PTPRA: variants seen among roughly 807,000 people sequenced by gnomAD.
The protein encoded by PTPRA is receptor-type tyrosine-protein phosphatase alpha.
Under a neutral mutation model 104.8 loss-of-function variants are expected in PTPRA, and 25 were observed. That is an observed-to-expected ratio of 0.24 (90% CI 0.17 to 0.33). The LOEUF (loss-of-function observed/expected upper bound fraction) is 0.33. PTPRA is among the 10% of genes least tolerant of loss of function. PTPRA has a pLI of 1.00. For missense variants in PTPRA, 765 were observed against 1,015.3 expected (o/e 0.75, Z 3.35); for synonymous variants, 323 against 368.9 (o/e 0.88, Z 1.43).
At chr20:2,903,324 A>C (rs1246957149) in intron 1 of PTPRA, among the ~76,000 whole-genome samples, 1 of 152,180 alleles carries the variant, frequency 6.6e-6, no homozygotes, top group Non-Finnish European at 1.5e-5. Flanking sequence ...TAAGTGAGCA[A>C]AGTTGTGTAA....
At chr20:3,032,699 A>G (rs1408952275) in intron 20 of PTPRA, among the ~76,000 whole-genome samples, 3 of 151,516 alleles carry the variant, frequency 2.0e-5, no homozygotes, top group Non-Finnish European at 4.4e-5. Context: ...CAGGGAGCTG[A>G]AGGTTGCAAT....
intron 6 of PTPRA, among the ~76,000 whole-genome samples, chr20:2,982,785 C>T (rs2062740889): frequency 6.6e-6 from 1 of 151,978 alleles, no homozygotes; most frequent in Non-Finnish European, 1.5e-5. Flanking sequence ...CAACCTCTGC[C>T]CCCCAGGTTC....
intron 2 of PTPRA, among the ~76,000 whole-genome samples, chr20:2,940,105 C>T (rs2060854323): frequency 1.3e-5 from 2 of 152,172 alleles, no homozygotes; most frequent in Non-Finnish European, 2.9e-5. Context: ...AGCAAAACTC[C>T]ATCTCAAACA....
At chr20:2,931,046 A>G (rs2060485338) in intron 2 of PTPRA, among the ~76,000 whole-genome samples, 2 of 152,226 alleles carry the variant, frequency 1.3e-5, no homozygotes, top group African/African-American at 4.8e-5. Flanking sequence ...TCAGTAGACC[A>G]GAGTCTGGAC....
chr20:2,865,601 C>T, the PTPRA span: 8 of 1,040,182 alleles, frequency 7.7e-6, no homozygotes, highest in South Asian at 1.1e-4. This position sits in a 1 kb window ranked among gnomAD's most constrained non-coding sequence, Gnocchi z 5.2. Flanking sequence ...TCCTGTTCAG[C>T]TGCCCGCATA....
At chr20:3,028,985 A>C (rs879324543) in intron 20 of PTPRA, among the ~76,000 whole-genome samples, 1 of 152,210 alleles carries the variant, frequency 6.6e-6, no homozygotes, top group Non-Finnish European at 1.5e-5. Context: ...TTTATAGTCA[A>C]ACATTTAAAA....
intron 1 of PTPRA, among the ~76,000 whole-genome samples, chr20:2,888,999 T>C (rs1239406095): frequency 6.6e-6 from 1 of 152,216 alleles, no homozygotes; most frequent in African/African-American, 2.4e-5. Flanking sequence ...TATCCAGTTG[T>C]ACTTGGTAAG....
chr20:2,908,659 A>G (rs1208754833), intron 1 of PTPRA, among the ~76,000 whole-genome samples: 2 of 152,054 alleles, frequency 1.3e-5, no homozygotes, highest in Non-Finnish European at 2.9e-5. Flanking sequence ...TTTGGAGGCC[A>G]GGGTGGGAGG....
rs1568713605 is a variant in PTPRA, at chr20:3,037,017, C to T, written c.2199-137C>T. The T allele has an allele frequency of 7.9e-7, 1 of 1,267,586 alleles. No individual in the cohort carries two copies. The allele number at this position is 1,267,586 out of a possible 1,614,324, so 78.5% of individuals were successfully genotyped here. ...TACACTGCCTCCCGACCCAGAACCCCTCCAGGCTGGTGGGTCCACAGGGCA... is the reference window on the plus strand; with the variant it reads ...TACACTGCCTCCCGACCCAGAACCCTTCCAGGCTGGTGGGTCCACAGGGCA... On this transcript the variant is annotated intron_variant, in intron 22 of 23. Coordinates refer to ENST00000399903, the MANE Select transcript of PTPRA (RefSeq NM_001385305.1). This position sits in a 1 kb window ranked among gnomAD's most constrained non-coding sequence, Gnocchi z 4.3.
chr20:2,865,102 C>T, the PTPRA span: 3 of 1,614,062 alleles, frequency 1.9e-6, no homozygotes, highest in Non-Finnish European at 2.5e-6. This position sits in a 1 kb window ranked among gnomAD's most constrained non-coding sequence, Gnocchi z 5.2. Flanking sequence ...CTGGTCTTCC[C>T]TCCTGGTCCC....
chr20:2,895,839 T>C (rs1256246234), intron 1 of PTPRA, among the ~76,000 whole-genome samples: 2 of 152,032 alleles, frequency 1.3e-5, no homozygotes, highest in African/African-American at 4.8e-5. Context: ...TATTAACCAA[T>C]TTTTAATGTT....
At chr20:2,939,887 A>T (rs1368631762) in intron 2 of PTPRA, among the ~76,000 whole-genome samples, 1 of 152,190 alleles carries the variant, frequency 6.6e-6, no homozygotes, top group East Asian at 1.9e-4. Context: ...CGAGCGGATC[A>T]CCTGAGGTGA....
At chr20:3,012,280 G>T (rs1222832164) in intron 11 of PTPRA, among the ~76,000 whole-genome samples, 3 of 152,174 alleles carry the variant, frequency 2.0e-5, no homozygotes, top group African/African-American at 7.2e-5. Context: ...GATTTAGGAG[G>T]GGCCAATTGG....
rs530017532 is a variant in PTPRA, at chr20:2,997,900, C to T, written c.739-7156C>T. ...AATCTAGCACTTTGGGAAGCCAATG[C>T]GGGAAGATTGAGGCCAGGAGTTTAA... is the stretch of plus-strand genomic sequence containing the variant. On this transcript the variant is annotated intron_variant, in intron 9 of 23. Transcript: ENST00000399903. 5.3e-5 allele frequency among the ~76,000 whole-genome samples: 8 copies of T among 152,244 alleles called. No individual in the cohort carries two copies. In the South Asian group the frequency reaches 1.0e-3, roughly 20 times the overall value.
chr20:2,935,342 A>T (rs748628343), intron 2 of PTPRA, among the ~76,000 whole-genome samples: 4 of 152,226 alleles, frequency 2.6e-5, no homozygotes, highest in African/African-American at 7.2e-5. Flanking sequence ...TTTAAGGCTG[A>T]ATAGTGTTCC....
intron 20 of PTPRA, among the ~76,000 whole-genome samples, chr20:3,029,540 CTTTT>C (rs71195813): frequency 1.3e-5 from 1 of 78,082 alleles, no homozygotes; most frequent in East Asian, 5.0e-4. Context: ...TCTTCATCAT[CTTTT>C]TTTTTTTTTT....
At chr20:2,864,846 G>A in the PTPRA span, 7 of 1,265,574 alleles carry the variant, frequency 5.5e-6, no homozygotes, top group Non-Finnish European at 7.9e-6. This position sits in a 1 kb window ranked among gnomAD's most constrained non-coding sequence, Gnocchi z 5.2. Flanking sequence ...GGACATCAGA[G>A]TGGTGCACCT....
At chr20:2,904,552 C>T (rs1239495951) in intron 1 of PTPRA, among the ~76,000 whole-genome samples, 2 of 151,140 alleles carry the variant, frequency 1.3e-5, no homozygotes, top group African/African-American at 4.9e-5. Context: ...GCCTGCGGTC[C>T]CAGCTACTCG....
At position 3,007,392 on chromosome 20, in the gene PTPRA, C is replaced by G. The variant is rs752080311; in HGVS notation, c.878C>G (p.Ser293Cys). The G allele has an allele frequency of 6.2e-6, 10 of 1,614,056 alleles. No homozygotes were observed. The highest frequency in any genetic ancestry group is 8.5e-6 in the Non-Finnish European group (10 of 1,180,006). The change falls in exon 11 of 24, where the codon TCT (serine) becomes TGT (cysteine). Residue 293 changes from serine to cysteine, a missense_variant. Coordinates refer to ENST00000399903, the MANE Select transcript of PTPRA (RefSeq NM_001385305.1). ...ACACCGGTTGAAGGGGTTCCAGATT[C>G]TGATTACATCAATGCTTCATTCATC... ...HLTPVEGVPDSDYINASFING... is the reference protein window; with the variant it reads ...HLTPVEGVPDCDYINASFING...
Sources: allele counts gnomAD v4.1 joint callset (sites outside exome capture counted in the v4.1 genomes callset), GRCh38; gene constraint gnomAD v4.1.1; non-coding constraint Gnocchi (gnomAD v3.1); transcripts MANE v1.5; gene names NCBI Gene and HGNC (gene_info 2026-07-23, HGNC 2026-07-21).